ITPR2: variants seen among roughly 807,000 people sequenced by gnomAD.
ITPR2 encodes inositol 1,4,5-trisphosphate-gated calcium channel ITPR2.
Under a neutral mutation model 317.1 loss-of-function variants are expected in ITPR2, and 207 were observed. That is an observed-to-expected ratio of 0.65 (90% CI 0.58 to 0.73). ITPR2 has a LOEUF of 0.73. Among genes scored for constraint, ITPR2 ranks in the 30% least tolerant of loss-of-function variants. ITPR2 has a pLI of 0.00. For missense variants in ITPR2, 2,613 were observed against 3,284.0 expected (o/e 0.80, Z 4.99); for synonymous variants, 1,156 against 1,149.1 (o/e 1.01, Z -0.12).
At chr12:26,624,787 A>AG (rs1266859974) in intron 23 of ITPR2, among the ~76,000 whole-genome samples, 1 of 151,906 alleles carries the variant, frequency 6.6e-6, no homozygotes, top group Non-Finnish European at 1.5e-5. Flanking sequence ...AAAAAAAAAA[A>AG]AAAACTAAAA....
chr12:26,552,159 T>C (rs578250042), intron 36 of ITPR2, among the ~76,000 whole-genome samples: 2 of 152,152 alleles, frequency 1.3e-5, no homozygotes, highest in Admixed American at 6.5e-5. Flanking sequence ...CTGAAATGTA[T>C]AGACTAGGCT....
At chr12:26,394,412 A>T (rs1315109053) in intron 54 of ITPR2, among the ~76,000 whole-genome samples, 1 of 152,198 alleles carries the variant, frequency 6.6e-6, no homozygotes, top group Non-Finnish European at 1.5e-5. Flanking sequence ...TTCTAGAACA[A>T]TGGCATTAGA....
intron 2 of ITPR2, among the ~76,000 whole-genome samples, chr12:26,731,022 C>T (rs1949019223): frequency 6.6e-6 from 1 of 152,112 alleles, no homozygotes; most frequent in Admixed American, 6.6e-5. Flanking sequence ...ATCAGGAGGC[C>T]ACTCCTGAAC....
intron 10 of ITPR2, among the ~76,000 whole-genome samples, 183 bp from the exon 11 acceptor site, chr12:26,686,815 T>C (rs1389446559): frequency 1.3e-5 from 2 of 152,172 alleles, no homozygotes; most frequent in Admixed American, 6.5e-5. Flanking sequence ...CTGTCAACAA[T>C]GATGAGTCCC....
At chr12:26,561,454 C>T (rs1040772407) in intron 35 of ITPR2, among the ~76,000 whole-genome samples, 1 of 152,052 alleles carries the variant, frequency 6.6e-6, no homozygotes, top group Non-Finnish European at 1.5e-5. Context: ...TAAGTTGAAG[C>T]AAGATTATGA....
At chr12:26,638,796 A>G (rs1230523366) in intron 21 of ITPR2, among the ~76,000 whole-genome samples, 1 of 152,224 alleles carries the variant, frequency 6.6e-6, no homozygotes, top group East Asian at 1.9e-4. Context: ...AAACTACACA[A>G]ATAGGAAGAA....
chr12:26,435,239 T>C (rs1317565324), intron 48 of ITPR2, among the ~76,000 whole-genome samples: 3 of 152,202 alleles, frequency 2.0e-5, no homozygotes, highest in Non-Finnish European at 4.4e-5. Context: ...GAAATACCTG[T>C]TGCTCTTATC....
intron 24 of ITPR2, 32 bp downstream of exon 24, chr12:26,624,267 A>G: frequency 7.1e-7 from 1 of 1,414,806 alleles, no homozygotes. Flanking sequence ...GTTATTCACA[A>G]GTAAGATAAA....
chr12:26,398,680 CT>C (rs1940079635), intron 54 of ITPR2, among the ~76,000 whole-genome samples, 195 bp downstream of exon 54: 1 of 152,126 alleles, frequency 6.6e-6, no homozygotes, highest in African/African-American at 2.4e-5. Flanking sequence ...GACAGGATAG[CT>C]TTGGGGTATA....
At chr12:26,649,023 A>G (rs1408593171) in intron 21 of ITPR2, 1 of 152,264 alleles carries the variant, frequency 6.6e-6, no homozygotes, top group Non-Finnish European at 1.5e-5. Context: ...GTCACCTTGC[A>G]TAACATAAAT....
chr12:26,465,956 G>A (rs771643854), intron 45 of ITPR2, among the ~76,000 whole-genome samples: 1 of 152,138 alleles, frequency 6.6e-6, no homozygotes, highest in African/African-American at 2.4e-5. Flanking sequence ...AGCACTGAGA[G>A]CAGCAGGATT....
chr12:26,408,207 T>G (rs1335867004), intron 52 of ITPR2, among the ~76,000 whole-genome samples: 2 of 152,170 alleles, frequency 1.3e-5, no homozygotes, highest in Non-Finnish European at 2.9e-5. Flanking sequence ...CCTCAACAGC[T>G]AGCATGGTGA....
In ITPR2 at chr12:26,663,872, A is replaced by G. The variant is rs183903559; in HGVS notation, c.1552-26T>C. ...CTATCAGGAATAAAAACAGCCACCT[A>G]TTCTGATGAATAAAATGTTTTGCAA... On this transcript the variant is annotated intron_variant, in intron 14 of 56. Transcript: ENST00000381340. 104 of 1,554,244 alleles carry G rather than the reference A, an allele frequency of 6.7e-5. 1 individual carries two copies. The East Asian group carries it at 1.9e-3, about 28-fold the overall frequency.
At chr12:26,767,872 A>T (rs1949751436) in intron 2 of ITPR2, among the ~76,000 whole-genome samples, 1 of 152,238 alleles carries the variant, frequency 6.6e-6, no homozygotes, top group South Asian at 2.1e-4. Flanking sequence ...AACATTATTT[A>T]TACTTATCAA....
At chr12:26,639,043 T>C (rs1946923175) in intron 21 of ITPR2, among the ~76,000 whole-genome samples, 1 of 152,202 alleles carries the variant, frequency 6.6e-6, no homozygotes. Context: ...AATGTAGCCA[T>C]CTTTGCTTCT....
At chr12:26,559,151 G>A (rs935855662) in intron 35 of ITPR2, among the ~76,000 whole-genome samples, 8 of 152,186 alleles carry the variant, frequency 5.3e-5, no homozygotes, top group Admixed American at 5.2e-4. Flanking sequence ...TAGATTCACT[G>A]CTTCCATGTC....
intron 30 of ITPR2, among the ~76,000 whole-genome samples, chr12:26,598,422 G>A (rs924753281): frequency 6.6e-6 from 1 of 151,998 alleles, no homozygotes; most frequent in Non-Finnish European, 1.5e-5. Context: ...GTAGCCATGG[G>A]TGGAAGCTCC....
intron 37 of ITPR2, among the ~76,000 whole-genome samples, chr12:26,528,762 A>T (rs1470441005): frequency 6.6e-6 from 1 of 152,210 alleles, no homozygotes; most frequent in Non-Finnish European, 1.5e-5. Context: ...TGGCAGGAAT[A>T]GGAGTAATTC....
chr12:26,813,424 C>CAAAA (rs1950790280), intron 1 of ITPR2, among the ~76,000 whole-genome samples: 1 of 152,154 alleles, frequency 6.6e-6, no homozygotes, highest in Non-Finnish European at 1.5e-5. Context: ...CACAAATTTA[C>CAAAA]TGTGAGAAAT....
Sources: allele counts gnomAD v4.1 joint callset (sites outside exome capture counted in the v4.1 genomes callset), GRCh38; gene constraint gnomAD v4.1.1; transcripts MANE v1.5; gene names NCBI Gene and HGNC (gene_info 2026-07-23, HGNC 2026-07-21).